The following ERBB4 variants were observed in gnomAD, a reference collection of about 807,000 sequenced individuals.
ERBB4 encodes erb-b2 receptor tyrosine kinase 4.
A neutral mutation model predicts 158.0 loss-of-function variants in ERBB4; 42 were observed. That is an observed-to-expected ratio of 0.27 (90% confidence interval 0.21 to 0.34). The LOEUF (loss-of-function observed/expected upper bound fraction) is 0.34, where lower values mean the gene tolerates loss of function less well. Ranked by LOEUF, ERBB4 falls within the 10% of genes least tolerant of loss-of-function variation. ERBB4 has a pLI of 1.00. For synonymous variants in ERBB4, 583 were observed against 558.7 expected (o/e 1.04, Z -0.61); for missense variants, 1,333 against 1,624.1 (o/e 0.82, Z 3.08).
intron 1 of ERBB4, among the ~76,000 whole-genome samples, chr2:212,530,827 C>G (rs1023172606): frequency 1.3e-5 from 2 of 152,148 alleles, no homozygotes; most frequent in Admixed American, 1.3e-4. Context: ...GCAGGTGAAA[C>G]CGATTGTTTA....
intron 1 of ERBB4, among the ~76,000 whole-genome samples, chr2:212,467,647 G>A (rs1387585621): frequency 1.3e-5 from 2 of 152,218 alleles, no homozygotes; most frequent in Non-Finnish European, 2.9e-5. Flanking sequence ...GTTTGCTGTA[G>A]AGGTGGGATG....
chr2:211,772,719 C>T (rs2075723601), intron 4 of ERBB4, among the ~76,000 whole-genome samples: 2 of 146,462 alleles, frequency 1.4e-5, no homozygotes, highest in Admixed American at 6.9e-5. Flanking sequence ...AATCATGGCT[C>T]ACTTCAGTCT....
intron 1 of ERBB4, chr2:212,426,340 G>A (rs754711997): frequency 1.3e-5 from 6 of 444,936 alleles, no homozygotes; most frequent in East Asian, 8.8e-5. Context: ...AATTATGTTC[G>A]CACCAACCTA....
chr2:212,048,974 T>G (rs1281854306), intron 2 of ERBB4, among the ~76,000 whole-genome samples: 1 of 152,090 alleles, frequency 6.6e-6, no homozygotes, highest in East Asian at 1.9e-4. Context: ...GATACGAGAG[T>G]GCAATCTGGG....
intron 3 of ERBB4, among the ~76,000 whole-genome samples, chr2:211,809,452 T>C (rs916072486): frequency 8.5e-5 from 13 of 152,236 alleles, no homozygotes; most frequent in Non-Finnish European, 1.3e-4. Flanking sequence ...ATCCATTTCT[T>C]CTAGATTGTC....
At chr2:212,069,281 A>G (rs2078038298) in intron 2 of ERBB4, among the ~76,000 whole-genome samples, 1 of 152,116 alleles carries the variant, frequency 6.6e-6, no homozygotes, top group Non-Finnish European at 1.5e-5. Flanking sequence ...TTAACATTCA[A>G]AAATCAATGA....
chr2:211,409,726 G>A (rs961602486), intron 25 of ERBB4, among the ~76,000 whole-genome samples: 1 of 152,056 alleles, frequency 6.6e-6, no homozygotes, highest in African/African-American at 2.4e-5. Context: ...ACCAGGGGTG[G>A]GGGGAACCAA....
intron 5 of ERBB4, among the ~76,000 whole-genome samples, chr2:211,742,994 G>A (rs2074846684): frequency 6.6e-6 from 1 of 151,952 alleles, no homozygotes; most frequent in Admixed American, 6.6e-5. Context: ...TTTTCTTTTG[G>A]TTAAAGTAAT....
chr2:212,520,987 C>A (rs978696163), intron 1 of ERBB4, among the ~76,000 whole-genome samples: 1 of 151,930 alleles, frequency 6.6e-6, no homozygotes, highest in Non-Finnish European at 1.5e-5. Context: ...CAACAATTTA[C>A]AGATTATCTT....
intron 1 of ERBB4, among the ~76,000 whole-genome samples, chr2:212,268,207 G>A (rs927452689): frequency 4.0e-5 from 6 of 151,820 alleles, no homozygotes; most frequent in African/African-American, 1.5e-4. Flanking sequence ...GCAATTCTCT[G>A]TATGATAGCC....
At chr2:212,291,226 C>T (rs1336169811) in intron 1 of ERBB4, among the ~76,000 whole-genome samples, 1 of 152,068 alleles carries the variant, frequency 6.6e-6, no homozygotes, top group Admixed American at 6.6e-5. Flanking sequence ...AAGGCAACAA[C>T]ACTTCCTATA....
chr2:211,406,445 A>C (rs2125366366), intron 25 of ERBB4, among the ~76,000 whole-genome samples: 1 of 152,320 alleles, frequency 6.6e-6, no homozygotes, highest in South Asian at 2.1e-4. Flanking sequence ...TAGTAAGATG[A>C]TTTAGCCCCT....
In ERBB4 at chr2:211,420,604, T is replaced by C; in HGVS notation, c.2972A>G (p.Asp991Gly). Residue 991 changes from aspartate to glycine, a missense_variant, in exon 25 of 28, where the codon GAT becomes GGT. Around this residue, in one of 5 missense-constraint regions of ERBB4, gnomAD observed 314 missense variants for 437.6 expected, o/e 0.72. Transcript: ENST00000342788. ...ATTTGGACTGGGAAGCTTCATACGA[T>C]CATCACCCTAAAAGAAAGATTGCCC... ...PQRYLVIQGD[D>G]RMKLPSPNDS... 1.9e-6 allele frequency: 3 copies of C among 1,606,728 alleles called. 1 individual carries two copies. In the South Asian group the frequency reaches 3.3e-5, roughly 18 times the overall value.
intron 3 of ERBB4, among the ~76,000 whole-genome samples, chr2:211,806,617 A>C (rs1264120475): frequency 1.3e-5 from 2 of 152,200 alleles, no homozygotes; most frequent in African/African-American, 2.4e-5. Flanking sequence ...CGGATTGGTG[A>C]CATAAAACTG....
At chr2:211,860,774 C>G (rs1233913639) in intron 3 of ERBB4, among the ~76,000 whole-genome samples, 2 of 149,874 alleles carry the variant, frequency 1.3e-5, no homozygotes, top group African/African-American at 2.5e-5. Context: ...AATATTCACT[C>G]CTACATTAAC....
intron 3 of ERBB4, among the ~76,000 whole-genome samples, chr2:211,889,778 A>G (rs1013053671): frequency 6.6e-6 from 1 of 151,926 alleles, no homozygotes; most frequent in South Asian, 2.1e-4. Flanking sequence ...TCAGGAGCCG[A>G]TGCGATCAAC....
At chr2:212,148,235 C>G (rs915829917) in intron 1 of ERBB4, among the ~76,000 whole-genome samples, 2 of 151,482 alleles carry the variant, frequency 1.3e-5, no homozygotes, top group African/African-American at 4.8e-5. Context: ...GATTATTCTA[C>G]TTTTTTATGC....
chr2:211,571,455 C>T (rs2067727585), intron 19 of ERBB4, among the ~76,000 whole-genome samples: 1 of 152,084 alleles, frequency 6.6e-6, no homozygotes, highest in Non-Finnish European at 1.5e-5. Flanking sequence ...AATCCATTAT[C>T]TTCACGTCCA....
chr2:211,588,137 T>C (rs1472296726), intron 19 of ERBB4, among the ~76,000 whole-genome samples: 1 of 152,156 alleles, frequency 6.6e-6, no homozygotes, highest in Admixed American at 6.5e-5. Context: ...TTTTTGTGTA[T>C]TAAGAAGAAA....
Sources: gnomAD v4.1 joint callset for allele counts (sites outside exome capture counted in the v4.1 genomes callset) on GRCh38, gnomAD v4.1.1 for gene constraint, gnomAD v4.1.1 regional missense constraint, MANE v1.5 for transcripts, NCBI Gene and HGNC (gene_info 2026-07-23, HGNC 2026-07-21) for gene names.